Variants in CSMD1 observed in about 807,000 individuals in gnomAD.
CSMD1 encodes the protein CUB and sushi domain-containing protein 1.
Under a neutral mutation model 417.5 loss-of-function variants are expected in CSMD1, and 213 were observed. The ratio of observed to expected loss-of-function variants is 0.51; its 90% CI spans 0.46 to 0.57. CSMD1 has a LOEUF of 0.57. Ranked by LOEUF, CSMD1 falls within the 20% of genes least tolerant of loss-of-function variation. The pLI is 0.00. For synonymous variants in CSMD1, 2,862 were observed against 1,736.8 expected, an observed-to-expected ratio of 1.65 and a Z score of -16.11; for missense variants, 6,923 against 4,529.7, an observed-to-expected ratio of 1.53 and a Z score of -15.17.
chr8:4,580,326 A>T (rs989075306), intron 2 of CSMD1, among the ~76,000 whole-genome samples: 4 of 152,336 alleles, frequency 2.6e-5, no homozygotes, highest in African/African-American at 7.2e-5. Flanking sequence ...TACATGAAAG[A>T]CATGAGCCCT....
intron 3 of CSMD1, among the ~76,000 whole-genome samples, chr8:4,047,306 G>C (rs577651522): frequency 1.3e-5 from 2 of 152,174 alleles, no homozygotes; most frequent in Non-Finnish European, 2.9e-5. Context: ...GAGACATAAA[G>C]TGGAATATTC....
intron 1 of CSMD1, among the ~76,000 whole-genome samples, chr8:4,821,152 T>C (rs1007676281): frequency 1.3e-5 from 2 of 152,118 alleles, no homozygotes; most frequent in Non-Finnish European, 2.9e-5. Flanking sequence ...CTTCTCTGAG[T>C]CACAGATCCT....
chr8:3,253,057 T>G (rs1370261445), intron 26 of CSMD1, among the ~76,000 whole-genome samples: 1 of 152,134 alleles, frequency 6.6e-6, no homozygotes, highest in Non-Finnish European at 1.5e-5. Context: ...TAGTTATTTC[T>G]TTCCTTCTGC....
intron 12 of CSMD1, among the ~76,000 whole-genome samples, chr8:3,434,336 A>G (rs1814413806): frequency 6.6e-6 from 1 of 152,184 alleles, no homozygotes; most frequent in Non-Finnish European, 1.5e-5. Context: ...TCCTATATGT[A>G]ATACCAAAAT....
rs1257317441 is a variant in CSMD1 at position 4,414,019 on chromosome 8, G to C, written c.415+5934C>G. On this transcript the variant is annotated intron_variant, in intron 3 of 69. Coordinates refer to ENST00000635120, the MANE Select transcript of CSMD1 (RefSeq NM_033225.6). Reference sequence around the variant, plus strand: ...TAATGGAGAGCCAGCTGCTCTTCTTGTGCTAGCACGTTCTTGAAAAGGAAA... The same window carrying C: ...TAATGGAGAGCCAGCTGCTCTTCTTCTGCTAGCACGTTCTTGAAAAGGAAA... Among the ~76,000 whole-genome samples, 4 of 151,934 alleles carry C rather than the reference G, an allele frequency of 2.6e-5. No individual in the cohort carries two copies. The East Asian group carries it at 8.0e-4, about 30-fold the overall frequency.
chr8:4,423,415 A>G (rs10102888), intron 2 of CSMD1, among the ~76,000 whole-genome samples: 2,511 of 151,992 alleles, frequency 0.017, 86 homozygotes, highest in African/African-American at 0.054. Flanking sequence ...ACATACTAGC[A>G]ATGAACACGT....
chr8:3,985,494 C>T (rs1220063096), intron 5 of CSMD1, among the ~76,000 whole-genome samples: 1 of 152,112 alleles, frequency 6.6e-6, no homozygotes, highest in Non-Finnish European at 1.5e-5. Context: ...TCAGAAGTCT[C>T]CATCCCAAAT....
At chr8:4,904,563 A>G (rs1805111892) in intron 1 of CSMD1, among the ~76,000 whole-genome samples, 1 of 152,154 alleles carries the variant, frequency 6.6e-6, no homozygotes, top group Non-Finnish European at 1.5e-5. Flanking sequence ...GAGCCACAGA[A>G]TATCATTAAA....
At chr8:4,393,317 A>G (rs1000864048) in intron 3 of CSMD1, among the ~76,000 whole-genome samples, 1 of 152,184 alleles carries the variant, frequency 6.6e-6, no homozygotes, top group African/African-American at 2.4e-5. Flanking sequence ...AATAAAAGGA[A>G]TATCACAAAG....
intron 5 of CSMD1, among the ~76,000 whole-genome samples, chr8:3,974,726 A>G (rs1748211024): frequency 6.6e-6 from 1 of 152,036 alleles, no homozygotes; most frequent in Admixed American, 6.6e-5. Flanking sequence ...GAAGAACAGA[A>G]CAGGCAAAAC....
At chr8:3,429,488 T>C (rs545073886) in intron 12 of CSMD1, among the ~76,000 whole-genome samples, 1 of 152,278 alleles carries the variant, frequency 6.6e-6, no homozygotes, top group East Asian at 1.9e-4. Flanking sequence ...ACCTTCATTC[T>C]TAAACGCCCC....
At chr8:4,470,177 T>C (rs765966345) in intron 2 of CSMD1, among the ~76,000 whole-genome samples, 3 of 152,114 alleles carry the variant, frequency 2.0e-5, no homozygotes, top group Non-Finnish European at 4.4e-5. Context: ...ACCTCATCTA[T>C]TCCTCTCCAT....
intron 10 of CSMD1, among the ~76,000 whole-genome samples, chr8:3,552,320 G>C (rs762544983): frequency 1.3e-5 from 2 of 151,702 alleles, no homozygotes; most frequent in Non-Finnish European, 1.5e-5. Flanking sequence ...AATAAGGTCA[G>C]CTTATTCTCT....
intron 1 of CSMD1, among the ~76,000 whole-genome samples, chr8:4,792,344 G>T (rs943674052): frequency 6.6e-6 from 1 of 152,156 alleles, no homozygotes; most frequent in Non-Finnish European, 1.5e-5. Context: ...GTAGCAAGAA[G>T]GAATTTGCTT....
At chr8:4,392,876 G>A (rs1803945649) in intron 3 of CSMD1, among the ~76,000 whole-genome samples, 1 of 151,922 alleles carries the variant, frequency 6.6e-6, no homozygotes, top group African/African-American at 2.4e-5. Flanking sequence ...GGCTAAGGCA[G>A]GAGAATTGCT....
At chr8:4,109,498 G>T (rs1211446230) in intron 3 of CSMD1, among the ~76,000 whole-genome samples, 1 of 152,130 alleles carries the variant, frequency 6.6e-6, no homozygotes, top group Non-Finnish European at 1.5e-5. Context: ...TACATGCTGT[G>T]CATGAATAAG....
chr8:3,588,331 A>AGT (rs1554479384), intron 8 of CSMD1, among the ~76,000 whole-genome samples: 160 of 151,862 alleles, frequency 1.1e-3, no homozygotes, highest in African/African-American at 3.8e-3. Context: ...GAAAACAAAA[A>AGT]GTCATAAAGC....
intron 5 of CSMD1, among the ~76,000 whole-genome samples, chr8:3,954,132 G>A (rs965539752): frequency 2.0e-5 from 3 of 152,178 alleles, no homozygotes; most frequent in South Asian, 2.1e-4. Flanking sequence ...CCAGTTTCCC[G>A]AGGGGAATCA....
intron 1 of CSMD1, among the ~76,000 whole-genome samples, chr8:4,853,181 A>T (rs1016049198): frequency 6.6e-5 from 10 of 152,308 alleles, no homozygotes; most frequent in African/African-American, 1.9e-4. Flanking sequence ...ACTAAAAGGG[A>T]CCCAGGTGCT....
Sources: allele counts gnomAD v4.1 joint callset (sites outside exome capture counted in the v4.1 genomes callset), GRCh38; gene constraint gnomAD v4.1.1; transcripts MANE v1.5; gene names NCBI Gene and HGNC (gene_info 2026-07-23, HGNC 2026-07-21).